GSPT1: variants seen among roughly 807,000 people sequenced by gnomAD.
GSPT1 encodes eukaryotic peptide chain release factor GTP-binding subunit ERF3A.
GSPT1 carries 20 observed loss-of-function variants against 72.5 expected under a neutral mutation model. That is an observed-to-expected ratio of 0.28 (90% CI 0.19 to 0.40). The LOEUF is 0.40. Among genes scored for constraint, GSPT1 ranks in the 10% least tolerant of loss-of-function variants. The pLI is 1.00. For synonymous variants in GSPT1, 334 were observed against 293.5 expected (o/e 1.14, Z -1.41); for missense variants, 580 against 811.9 (o/e 0.71, Z 3.47).
chr16:11,914,585 T>C (rs557607037), intron 1 of GSPT1, among the ~76,000 whole-genome samples: 1 of 152,338 alleles, frequency 6.6e-6, no homozygotes, highest in African/African-American at 2.4e-5. Flanking sequence ...CCAAGCAATC[T>C]GAATAAGGTC....
At chr16:11,903,765 C>G (rs903233771) in intron 1 of GSPT1, among the ~76,000 whole-genome samples, 4 of 152,194 alleles carry the variant, frequency 2.6e-5, no homozygotes, top group Admixed American at 2.6e-4. Flanking sequence ...CTAAATGCCA[C>G]TGAATTGTTC....
At chr16:11,904,509 T>C (rs1204086649) in intron 1 of GSPT1, among the ~76,000 whole-genome samples, 1 of 152,118 alleles carries the variant, frequency 6.6e-6, no homozygotes, top group African/African-American at 2.4e-5. Context: ...GCCAGTTTTA[T>C]GTTATGTGGA....
intron 1 of GSPT1, among the ~76,000 whole-genome samples, chr16:11,909,087 T>C (rs998446666): frequency 6.6e-6 from 1 of 151,710 alleles, no homozygotes; most frequent in African/African-American, 2.4e-5. Flanking sequence ...TTCTGCAGAA[T>C]GCGCTTTTTT....
At chr16:11,891,177 C>T in intron 5 of GSPT1, 38 bp from the exon 6 acceptor site, 2 of 1,061,088 alleles carry the variant, frequency 1.9e-6, no homozygotes, top group Non-Finnish European at 2.7e-6. Context: ...TAAACAATTA[C>T]TCACAAATTA....
In GSPT1 at chr16:11,909,910, C is replaced by T. The variant is rs537089505; in HGVS notation, c.352+5459G>A. On this transcript the variant is annotated intron_variant, in intron 1 of 14. Transcript: ENST00000434724. The stretch of plus-strand genomic sequence containing the variant: ...CACTGCACTCCAGCCTGTGACAGAG[C>T]GAAACTCCATCTCAAAAAACAAAAA... Among the ~76,000 whole-genome samples the T allele has an allele frequency of 2.6e-5, 4 of 151,492 alleles. 1 individual carries two copies. The East Asian group carries it at 5.8e-4, about 22-fold the overall frequency.
chr16:11,899,706 G>T (rs2054382154), intron 1 of GSPT1, among the ~76,000 whole-genome samples: 4 of 152,122 alleles, frequency 2.6e-5, no homozygotes, highest in Admixed American at 2.6e-4. Context: ...ATAAGGTAAG[G>T]AAAAATTACT....
intron 1 of GSPT1, among the ~76,000 whole-genome samples, chr16:11,912,002 G>C (rs954100304): frequency 7.1e-6 from 1 of 140,966 alleles, no homozygotes; most frequent in Non-Finnish European, 1.5e-5. Flanking sequence ...TTGTACAGTT[G>C]AAAAGGGTGA....
Position 11,871,608 on chromosome 16 carries a change from G to A in GSPT1, c.*1511C>T, listed in dbSNP as rs889461643. ...CCCATTAGATTAAGTTTTATGTTCT[G>A]TGACTGGAAATACAGTCTGTCTAGG... is the stretch of plus-strand genomic sequence containing the variant. On this transcript the variant is annotated 3_prime_UTR_variant, in exon 15 of 15. Transcript: ENST00000434724. The A allele has an allele frequency of 2.0e-5, 3 of 152,166 alleles. No individual in the cohort carries two copies. Among genetic ancestry groups the A allele is most frequent in the African/African-American group, 4.8e-5 (2 of 41,444 alleles). The allele number at this position is 152,166 out of a possible 1,614,324, so 9.4% of individuals were successfully genotyped here. A position where few individuals can be genotyped will look rare whatever the true frequency, so the allele number is the denominator to read the frequency against.
intron 1 of GSPT1, among the ~76,000 whole-genome samples, chr16:11,906,852 G>A (rs1231043829): frequency 6.6e-6 from 1 of 152,098 alleles, no homozygotes; most frequent in Admixed American, 6.6e-5. Flanking sequence ...TTTTTTTAAT[G>A]TAAATCCCTC....
chr16:11,905,679 T>C (rs886848847), intron 1 of GSPT1, among the ~76,000 whole-genome samples: 1 of 151,910 alleles, frequency 6.6e-6, no homozygotes, highest in Admixed American at 6.6e-5. Flanking sequence ...TACTAAAAAA[T>C]TAAAAATTAG....
rs1347700411 is a variant in GSPT1 at position 11,869,404 on chromosome 16, G to A, written c.*3715C>T. The A allele has an allele frequency of 1.3e-5, 2 of 152,200 alleles. No individual in the cohort carries two copies. Among genetic ancestry groups the A allele is most frequent in the Admixed American group, 1.3e-4 (2 of 15,272 alleles). The allele number at this position is 152,200 out of a possible 1,614,324, so 9.4% of individuals were successfully genotyped here. The stretch of plus-strand genomic sequence containing the variant: ...AAAAAGTTAGCTGCAAGAAATAAAA[G>A]CCTATTATTTGGAGATAGATAATTG... On this transcript the variant is annotated 3_prime_UTR_variant, in exon 15 of 15. Coordinates refer to ENST00000434724, the MANE Select transcript of GSPT1 (RefSeq NM_002094.4).
chr16:11,897,509 T>C lies in GSPT1; in HGVS notation c.436+331A>G, dbSNP rs369228406. On this transcript the variant is annotated intron_variant, in intron 3 of 14. Coordinates refer to ENST00000434724, the MANE Select transcript of GSPT1 (RefSeq NM_002094.4). ...CTGAGGCAGGAGAAGCGCTTGAACCTGGGAGGCGGAGGTTGCAGTGACCCA... is the reference window on the plus strand; with the variant it reads ...CTGAGGCAGGAGAAGCGCTTGAACCCGGGAGGCGGAGGTTGCAGTGACCCA... Among the ~76,000 whole-genome samples the C allele has an allele frequency of 3.7e-4, 56 of 152,230 alleles. No individual in the cohort carries two copies. In the East Asian group the frequency reaches 0.01, roughly 28 times the overall value.
At position 11,876,164 on chromosome 16, in the gene GSPT1, T is replaced by C. The variant is rs2054043995; in HGVS notation, c.1614A>G (p.Ile538Met). The C allele has an allele frequency of 6.3e-7, 1 of 1,592,400 alleles. No homozygotes were observed. The highest frequency in any genetic ancestry group is 1.3e-5 in the African/African-American group (1 of 74,592). ...CTGGGCAGATGATGGATTTGTGCTCTATAATCACTATCTGTCAAACAAACA... is the reference window on the plus strand; with the variant it reads ...CTGGGCAGATGATGGATTTGTGCTCCATAATCACTATCTGTCAAACAAACA... ...GRTFDAQIVI[I>M]EHKSIICPGY... The change falls in exon 13 of 15, where the codon ATA becomes ATG. Residue 538 changes from isoleucine (I) to methionine (M), a missense_variant. Physicochemically the swap from Ile to Met is conservative, Grantham distance 10 (BLOSUM62 1). Coordinates refer to ENST00000434724, the MANE Select transcript of GSPT1 (RefSeq NM_002094.4).
At chr16:11,914,521 C>T (rs999082818) in intron 1 of GSPT1, among the ~76,000 whole-genome samples, 2 of 152,200 alleles carry the variant, frequency 1.3e-5, no homozygotes, top group Non-Finnish European at 2.9e-5. Flanking sequence ...AACAAATGCT[C>T]AAGTGTCTGA....
rs779864647 is a variant in GSPT1, at chr16:11,875,774, G to A, written c.1848C>T (p.Thr616=). ...AAAAGCTCTTACCCTCATCTCTTAA[G>A]GTGAAACGACCCATCTGAGGGAAGT... ...FKDFPQMGRF[T]LRDEGKTIAI... is the part of the protein sequence containing the mutation. The change falls in exon 14 of 15, where the codon ACC becomes ACT. Residue 616 remains threonine (T), a synonymous_variant. Transcript: ENST00000434724. The A allele has an allele frequency of 1.1e-5, 18 of 1,606,894 alleles. No individual in the cohort carries two copies. The highest frequency in any genetic ancestry group is 1.8e-5 in the Admixed American group (1 of 56,994).
chr16:11,915,574 G>A lies in GSPT1; in HGVS notation c.147C>T (p.Ser49=). 6.7e-7 allele frequency: 1 copy of A among 1,488,270 alleles called. No individual in the cohort carries two copies. The highest frequency in any genetic ancestry group is 8.9e-7 in the Non-Finnish European group (1 of 1,119,682). 92.2% of individuals were successfully genotyped at this position (1,488,270 alleles called of 1,614,324 possible). ...GCTGGGCCTCGGCCGCCGCCGCCAG[G>A]GAGCCGCCGCCGCCGCAAGGGCCCG... ...PGPGPCGGGG[S]LAAAAEAQRE... The change falls in exon 1 of 15, where the codon TCC becomes TCT. Residue 49 remains serine (S), a synonymous_variant. Transcript: ENST00000434724.
At chr16:11,908,038 G>A (rs2054509707) in intron 1 of GSPT1, among the ~76,000 whole-genome samples, 1 of 150,920 alleles carries the variant, frequency 6.6e-6, no homozygotes, top group South Asian at 2.1e-4. Context: ...GGTCAGGAGT[G>A]CGAGACCAGC....
rs2053982423 is a variant in GSPT1 at position 11,871,756 on chromosome 16, A to C, written c.*1363T>G. ...TCTTTGATCAATGGCAACACTCAAC[A>C]TCAAGGGGGCTTTGGATAAACCCAC... is the stretch of plus-strand genomic sequence containing the variant. On this transcript the variant is annotated 3_prime_UTR_variant, in exon 15 of 15. Transcript: ENST00000434724. 1 of 152,188 alleles carries C rather than the reference A, an allele frequency of 6.6e-6. No homozygotes were observed. Among genetic ancestry groups the C allele is most frequent in the South Asian group, 2.1e-4 (1 of 4,830 alleles). 9.4% of individuals were successfully genotyped at this position (152,188 alleles called of 1,614,324 possible). A position where few individuals can be genotyped will look rare whatever the true frequency, so the allele number is the denominator to read the frequency against.
intron 1 of GSPT1, among the ~76,000 whole-genome samples, chr16:11,909,421 A>G (rs1470247577): frequency 6.6e-6 from 1 of 152,206 alleles, no homozygotes; most frequent in Non-Finnish European, 1.5e-5. Context: ...GATTGTTCTG[A>G]GGACCTCAGA....
Sources: allele counts gnomAD v4.1 joint callset (sites outside exome capture counted in the v4.1 genomes callset), GRCh38; gene constraint gnomAD v4.1.1; transcripts MANE v1.5; gene names NCBI Gene and HGNC (gene_info 2026-07-23, HGNC 2026-07-21).